The following RABGAP1L variants were observed in gnomAD, a reference collection of about 807,000 sequenced individuals.
RABGAP1L encodes rab GTPase-activating protein 1-like.
Under a neutral mutation model 137.7 loss-of-function variants are expected in RABGAP1L, and 63 were observed. That is an observed-to-expected ratio of 0.46 (90% CI 0.37 to 0.56). The LOEUF (loss-of-function observed/expected upper bound fraction) is 0.56, where lower values mean the gene tolerates loss of function less well. Among genes scored for constraint, RABGAP1L ranks in the 20% least tolerant of loss-of-function variants. The pLI is 0.00. For synonymous variants in RABGAP1L, 431 were observed against 433.7 expected (o/e 0.99, Z 0.08); for missense variants, 1,095 against 1,244.0 (o/e 0.88, Z 1.80).
intron 13 of RABGAP1L, among the ~76,000 whole-genome samples, chr1:174,582,040 C>T (rs1170220139): frequency 2.6e-5 from 4 of 152,036 alleles, no homozygotes; most frequent in Admixed American, 1.3e-4. Flanking sequence ...ACTTAGCTGT[C>T]GGACAACCAG....
At chr1:174,899,522 G>T (rs1179701488) in intron 19 of RABGAP1L, among the ~76,000 whole-genome samples, 2 of 152,126 alleles carry the variant, frequency 1.3e-5, no homozygotes, top group African/African-American at 4.8e-5. Flanking sequence ...CTCATTTTTA[G>T]AGTAGGGGAC....
chr1:174,357,740 C>G (rs1313492850), intron 11 of RABGAP1L, among the ~76,000 whole-genome samples: 1 of 152,178 alleles, frequency 6.6e-6, no homozygotes, highest in Non-Finnish European at 1.5e-5. Context: ...TGTCTCTCAT[C>G]TTTCTATATT....
chr1:174,298,727 G>A (rs564732476), intron 10 of RABGAP1L, among the ~76,000 whole-genome samples: 2 of 152,286 alleles, frequency 1.3e-5, no homozygotes, highest in South Asian at 2.1e-4. Context: ...GCTAAGATCT[G>A]GGTACATGGT....
At position 174,958,873 on chromosome 1, in the gene RABGAP1L, G is replaced by GT. The variant is rs373177274; in HGVS notation, c.2433+1327dup. The stretch of plus-strand genomic sequence containing the variant: ...CTTCCTCATCTATAAAAGATATAGT[G>GT]TTTCTGATTCCTTGATGGATTGTTA... On this transcript the variant is annotated intron_variant, in intron 20 of 25. Transcript: ENST00000681986. Among the ~76,000 whole-genome samples, 548 of 152,274 alleles carry GT rather than the reference G, an allele frequency of 3.6e-3. 4 individuals carry two copies. Among genetic ancestry groups the GT allele is most frequent in the African/African-American group, 0.011 (469 of 41,548 alleles).
At chr1:174,890,801 T>C (rs1656004438) in intron 19 of RABGAP1L, among the ~76,000 whole-genome samples, 1 of 152,224 alleles carries the variant, frequency 6.6e-6, no homozygotes, top group Non-Finnish European at 1.5e-5. Context: ...TGTCAGTTCA[T>C]GAAGGGTGTC....
At chr1:174,797,477 T>G (rs1295060422) in intron 18 of RABGAP1L, among the ~76,000 whole-genome samples, 2 of 140,440 alleles carry the variant, frequency 1.4e-5, no homozygotes, top group Non-Finnish European at 3.1e-5. Flanking sequence ...GTGCGTGGTG[T>G]TGGGGGGGTG....
chr1:174,881,492 C>CTT (rs751296977), intron 19 of RABGAP1L, among the ~76,000 whole-genome samples: 9,898 of 85,772 alleles, frequency 0.12, 1,135 homozygotes, highest in East Asian at 0.45. Flanking sequence ...ATATCATTTG[C>CTT]TTTTTTTTTT....
intron 14 of RABGAP1L, among the ~76,000 whole-genome samples, chr1:174,671,023 T>A (rs189773946): frequency 3.1e-3 from 474 of 152,254 alleles, no homozygotes; most frequent in Non-Finnish European, 4.4e-3. Context: ...TGTATAAAGG[T>A]ACCCTTTTCT....
intron 13 of RABGAP1L, among the ~76,000 whole-genome samples, chr1:174,498,605 T>C (rs1296013001): frequency 6.6e-6 from 1 of 151,926 alleles, no homozygotes; most frequent in Non-Finnish European, 1.5e-5. Context: ...CAGATAATTC[T>C]CCTGCCTCAG....
At chr1:174,904,088 A>G (rs754447090) in intron 19 of RABGAP1L, among the ~76,000 whole-genome samples, 3 of 152,138 alleles carry the variant, frequency 2.0e-5, no homozygotes, top group Non-Finnish European at 2.9e-5. Context: ...TTTTGCTAGC[A>G]ACAACTCTGA....
chr1:174,507,837 T>C (rs1440017177), intron 13 of RABGAP1L, among the ~76,000 whole-genome samples: 1 of 126,702 alleles, frequency 7.9e-6, no homozygotes, highest in Non-Finnish European at 1.6e-5. Context: ...TACTGTGTTT[T>C]ATATTCACCA....
chr1:174,707,554 A>G (rs965122676), intron 17 of RABGAP1L, among the ~76,000 whole-genome samples: 1 of 152,150 alleles, frequency 6.6e-6, no homozygotes, highest in Admixed American at 6.5e-5. Flanking sequence ...AAGTTACTTG[A>G]CCTATGTAAA....
At chr1:174,794,131 A>G (rs990986489) in intron 18 of RABGAP1L, among the ~76,000 whole-genome samples, 3 of 152,206 alleles carry the variant, frequency 2.0e-5, no homozygotes, top group Non-Finnish European at 4.4e-5. Context: ...AAATCATTGA[A>G]GGTTCATCTT....
chr1:174,449,406 A>G (rs1051514700), intron 13 of RABGAP1L, among the ~76,000 whole-genome samples: 1 of 152,200 alleles, frequency 6.6e-6, no homozygotes, highest in South Asian at 2.1e-4. Context: ...TGAAATAATT[A>G]TAGCATGTGA....
intron 13 of RABGAP1L, among the ~76,000 whole-genome samples, chr1:174,447,677 A>G (rs1654919506): frequency 6.6e-6 from 1 of 152,204 alleles, no homozygotes; most frequent in Admixed American, 6.5e-5. Flanking sequence ...TGCCTCTCTT[A>G]GGAGAACAGC....
At chr1:174,534,395 T>C (rs1010905955) in intron 13 of RABGAP1L, among the ~76,000 whole-genome samples, 2 of 152,128 alleles carry the variant, frequency 1.3e-5, no homozygotes, top group African/African-American at 4.8e-5. Context: ...AAATCCTGTA[T>C]ACATTTTCCT....
intron 13 of RABGAP1L, among the ~76,000 whole-genome samples, chr1:174,437,312 A>T (rs1653494018): frequency 2.0e-5 from 3 of 152,158 alleles, no homozygotes; most frequent in Admixed American, 2.0e-4. Flanking sequence ...AAGAAGTTAA[A>T]AACTTTGAAA....
intron 1 of RABGAP1L, among the ~76,000 whole-genome samples, chr1:174,180,187 AAC>A (rs972583345): frequency 3.3e-5 from 5 of 152,086 alleles, no homozygotes; most frequent in Non-Finnish European, 5.9e-5. Context: ...GTTTAGTGAA[AAC>A]ACACACACAG....
intron 13 of RABGAP1L, among the ~76,000 whole-genome samples, chr1:174,405,839 G>A (rs1298113383): frequency 1.3e-5 from 2 of 151,992 alleles, no homozygotes; most frequent in African/African-American, 2.4e-5. Flanking sequence ...TTAACTGGGT[G>A]TGGCGACACA....
Sources: gnomAD v4.1 joint callset for allele counts (sites outside exome capture counted in the v4.1 genomes callset) on GRCh38, gnomAD v4.1.1 for gene constraint, MANE v1.5 for transcripts, NCBI Gene and HGNC (gene_info 2026-07-23, HGNC 2026-07-21) for gene names.